The following FOXP2 variants were observed in gnomAD, a reference collection of about 807,000 sequenced individuals.
The protein encoded by FOXP2 is forkhead box protein P2.
FOXP2 carries 12 observed loss-of-function variants against 115.8 expected under a neutral mutation model. The observed-to-expected ratio is 0.10, with a 90% CI of 0.07 to 0.17. The LOEUF is 0.17. Ranked by LOEUF, FOXP2 falls within the 10% of genes least tolerant of loss-of-function variation. FOXP2 has a pLI of 1.00. For synonymous variants in FOXP2, 328 were observed against 297.7 expected (o/e 1.10, Z -1.05); for missense variants, 629 against 843.5 (o/e 0.75, Z 3.15).
At chr7:114,408,838 A>G (rs1793099542) in intron 2 of FOXP2, among the ~76,000 whole-genome samples, 1 of 152,162 alleles carries the variant, frequency 6.6e-6, no homozygotes, top group South Asian at 2.1e-4. Context: ...GGTACTTGTT[A>G]ATTTCAAATT....
chr7:114,362,814 CT>C (rs1303609381), intron 2 of FOXP2, among the ~76,000 whole-genome samples: 1 of 152,044 alleles, frequency 6.6e-6, no homozygotes, highest in Non-Finnish European at 1.5e-5. Flanking sequence ...TTGACAAAAT[CT>C]TTGAAAATAT....
intron 1 of FOXP2, among the ~76,000 whole-genome samples, chr7:114,270,366 TAG>T (rs1430544678): frequency 6.6e-6 from 1 of 152,166 alleles, no homozygotes; most frequent in African/African-American, 2.4e-5. Context: ...ATCCTTTGAT[TAG>T]AGTGTCCTTA....
intron 3 of FOXP2, among the ~76,000 whole-genome samples, chr7:114,606,928 A>C (rs955026638): frequency 4.6e-5 from 7 of 152,172 alleles, no homozygotes; most frequent in Non-Finnish European, 8.8e-5. Context: ...TTTTATTTAC[A>C]AGAAATCTGA....
intron 2 of FOXP2, among the ~76,000 whole-genome samples, chr7:114,348,024 T>C (rs1355962812): frequency 1.3e-5 from 2 of 152,086 alleles, no homozygotes; most frequent in Admixed American, 6.6e-5. Context: ...ATCTGACATA[T>C]AATATGCCTT....
intron 1 of FOXP2, among the ~76,000 whole-genome samples, chr7:114,119,507 G>T (rs528836108): frequency 1.4e-4 from 21 of 151,992 alleles, no homozygotes; most frequent in Non-Finnish European, 2.8e-4. Flanking sequence ...TTGGGAGGCC[G>T]AAGTGGGAGG....
intron 1 of FOXP2, among the ~76,000 whole-genome samples, chr7:114,276,461 G>A (rs1418355909): frequency 1.3e-5 from 2 of 151,942 alleles, no homozygotes; most frequent in African/African-American, 4.8e-5. Flanking sequence ...CACCACACCC[G>A]GCCACTGGCA....
chr7:114,306,697 G>C (rs1400550580), intron 2 of FOXP2, among the ~76,000 whole-genome samples: 1 of 152,136 alleles, frequency 6.6e-6, no homozygotes, highest in Non-Finnish European at 1.5e-5. Context: ...GAAGTCAGAA[G>C]TATGACATAG....
chr7:114,544,479 C>T (rs1799823357), intron 3 of FOXP2, among the ~76,000 whole-genome samples: 3 of 152,136 alleles, frequency 2.0e-5, no homozygotes, highest in Admixed American at 2.0e-4. Context: ...ATTTTGATAA[C>T]ACAAAATACA....
intron 2 of FOXP2, among the ~76,000 whole-genome samples, chr7:114,393,939 G>T (rs1234723314): frequency 5.9e-5 from 9 of 151,420 alleles, no homozygotes; most frequent in Non-Finnish European, 5.9e-5. Flanking sequence ...AATTATTGTG[G>T]ATGTAAATAT....
chr7:114,333,893 A>T (rs1797775671), intron 2 of FOXP2, among the ~76,000 whole-genome samples: 1 of 143,532 alleles, frequency 7.0e-6, no homozygotes, highest in Non-Finnish European at 1.5e-5. Flanking sequence ...ATCTCAATTA[A>T]AAAAAAAAAA....
intron 2 of FOXP2, among the ~76,000 whole-genome samples, chr7:114,388,326 A>G (rs1372359523): frequency 6.6e-6 from 1 of 152,142 alleles, no homozygotes; most frequent in African/African-American, 2.4e-5. Flanking sequence ...TGGTAAAAAA[A>G]AAATGGTCTA....
rs1473815536 is a variant in FOXP2, at chr7:114,450,299, C to T, written c.168+23620C>T. 1.3e-5 allele frequency among the ~76,000 whole-genome samples: 2 copies of T among 152,002 alleles called. 1 individual carries two copies. Among genetic ancestry groups the T allele is most frequent in the African/African-American group, 4.8e-5 (2 of 41,418 alleles). On this transcript the variant is annotated intron_variant, in intron 2 of 16. Transcript: ENST00000350908. ...AGATGCCTGATGTGGAGGATTTGTT[C>T]TTTAGGCATATGAAAATTGCATTTG...
chr7:114,386,523 G>T (rs1425693092), intron 2 of FOXP2, among the ~76,000 whole-genome samples: 1 of 152,176 alleles, frequency 6.6e-6, no homozygotes, highest in African/African-American at 2.4e-5. Flanking sequence ...GTTTCTCCTG[G>T]GCACAAGATT....
chr7:114,194,735 T>C (rs77390484), intron 1 of FOXP2, among the ~76,000 whole-genome samples: 2,844 of 152,222 alleles, frequency 0.019, 43 homozygotes, highest in Non-Finnish European at 0.032. Context: ...TTTGCTAATA[T>C]GTTAATTCTA....
chr7:114,626,233 AGAAAACT>A (rs1211519895), intron 3 of FOXP2, among the ~76,000 whole-genome samples: 1 of 151,802 alleles, frequency 6.6e-6, no homozygotes, highest in Admixed American at 6.6e-5. Flanking sequence ...ATATGAAGAT[AGAAAACT>A]TGCTTAAATT....
intron 1 of FOXP2, among the ~76,000 whole-genome samples, chr7:114,217,447 G>A (rs181312231): frequency 6.6e-6 from 1 of 152,238 alleles, no homozygotes; most frequent in Admixed American, 6.5e-5. Flanking sequence ...CTATTTGTGT[G>A]TGTAGAATCA....
intron 2 of FOXP2, among the ~76,000 whole-genome samples, chr7:114,447,054 A>G (rs761471144): frequency 6.6e-6 from 1 of 151,954 alleles, no homozygotes; most frequent in Non-Finnish European, 1.5e-5. Flanking sequence ...CTGGCCTCCT[A>G]TCTTTTTAAG....
At chr7:114,329,028 T>C (rs2129182596) in intron 2 of FOXP2, among the ~76,000 whole-genome samples, 1 of 152,206 alleles carries the variant, frequency 6.6e-6, no homozygotes, top group East Asian at 1.9e-4. Flanking sequence ...CAATAAACTA[T>C]TTTGAAATCA....
intron 3 of FOXP2, among the ~76,000 whole-genome samples, chr7:114,537,791 T>G (rs1347839383): frequency 6.6e-6 from 1 of 151,642 alleles, no homozygotes; most frequent in Non-Finnish European, 1.5e-5. Flanking sequence ...TTACATAATC[T>G]CATTACATGA....
Sources: allele counts gnomAD v4.1 joint callset (sites outside exome capture counted in the v4.1 genomes callset), GRCh38; gene constraint gnomAD v4.1.1; transcripts MANE v1.5; gene names NCBI Gene and HGNC (gene_info 2026-07-23, HGNC 2026-07-21).